Variants in KIF1A observed in about 807,000 individuals in gnomAD.
The protein encoded by KIF1A is kinesin-like protein KIF1A.
A neutral mutation model predicts 227.3 loss-of-function variants in KIF1A; 46 were observed. The observed-to-expected ratio is 0.20, with a 90% CI of 0.16 to 0.26. KIF1A has a LOEUF of 0.26. Ranked by LOEUF, KIF1A falls within the 10% of genes least tolerant of loss-of-function variation. The pLI, the probability that KIF1A is intolerant of heterozygous loss-of-function variation, is 1.00. For missense variants in KIF1A, 1,683 were observed against 2,485.9 expected (o/e 0.68, Z 6.87); for synonymous variants, 1,022 against 1,012.8 (o/e 1.01, Z -0.17).
rs151212200 is a variant in KIF1A at position 240,787,275 on chromosome 2, G to A, written c.405C>T (p.Asn135=). The A allele has an allele frequency of 2.4e-4, 381 of 1,613,380 alleles. 1 individual carries two copies. In the East Asian group the frequency reaches 5.3e-3, roughly 22 times the overall value. The part of the protein sequence containing the change: ...DLFSRINDTT[N]DNMSYSVEVS... ...CCTCCACGGAGTAGGACATGTTGTC[G>A]TTGGTCGTGTCGTTGATCCGAGAGA... The change falls in exon 5 of 49, where the codon AAC becomes AAT. Residue 135 remains asparagine, a synonymous_variant. Coordinates refer to ENST00000498729, the MANE Select transcript of KIF1A (RefSeq NM_001244008.2).
intron 27 of KIF1A, among the ~76,000 whole-genome samples, chr2:240,751,766 C>T (rs2049237522): frequency 6.6e-6 from 1 of 152,122 alleles, no homozygotes; most frequent in African/African-American, 2.4e-5. Context: ...CCAGGCCCTG[C>T]CTCCCCAGCA....
rs1200973959 is a variant in KIF1A, at chr2:240,726,786, T to G, written c.4122+40A>C. On this transcript the variant is annotated intron_variant, in intron 39 of 48. Coordinates refer to ENST00000498729, the MANE Select transcript of KIF1A (RefSeq NM_001244008.2). The surrounding 1 kb of genome is among the most constrained non-coding windows in gnomAD (Gnocchi z 5.2). ...TACAAGAACCTCAAGCTTCAGGGGC[T>G]GAGTGGTTTTGGTGGAGTGCCCTGG... The G allele has an allele frequency of 1.6e-6, 2 of 1,236,482 alleles. No homozygotes were observed. Among genetic ancestry groups the G allele is most frequent in the South Asian group, 2.5e-5 (2 of 79,156 alleles). The allele number at this position is 1,236,482 out of a possible 1,614,324, so 76.6% of individuals were successfully genotyped here.
chr2:240,717,986 T>C (rs754075395), intron 48 of KIF1A, 64 bp downstream of exon 48: 13 of 1,059,896 alleles, frequency 1.2e-5, no homozygotes, highest in Non-Finnish European at 1.8e-5. Flanking sequence ...CAAATGGTCC[T>C]GGCCAGGAGC....
In KIF1A at chr2:240,736,336, C is replaced by T. The variant is rs531267383; in HGVS notation, c.4007+727G>A. ...AGCCAGGACTGGACACTGGAGCCCC[C>T]GCCTCACTTTCCCCAAGCCCCTGGA... On this transcript the variant is annotated intron_variant, in intron 38 of 48. Coordinates refer to ENST00000498729, the MANE Select transcript of KIF1A (RefSeq NM_001244008.2). This position sits in a 1 kb window ranked among gnomAD's most constrained non-coding sequence, Gnocchi z 4.7. Among the ~76,000 whole-genome samples the T allele has an allele frequency of 1.5e-4, 23 of 152,156 alleles. 1 individual carries two copies. The highest frequency in any genetic ancestry group is 8.3e-4 in the South Asian group (4 of 4,822).
chr2:240,786,108 A>G (rs927669801), intron 6 of KIF1A, among the ~76,000 whole-genome samples: 1 of 152,174 alleles, frequency 6.6e-6, no homozygotes, highest in Admixed American at 6.5e-5. Flanking sequence ...GCAGACCCCC[A>G]TGAAGGAGAA....
intron 37 of KIF1A, among the ~76,000 whole-genome samples, chr2:240,737,744 A>G (rs985572323): frequency 1.3e-5 from 2 of 152,204 alleles, no homozygotes; most frequent in African/African-American, 4.8e-5. Flanking sequence ...CAGAGCCGTT[A>G]TCAGGCAGGA....
intron 48 of KIF1A, 103 bp from the exon 49 acceptor site, chr2:240,717,509 A>G: frequency 9.7e-7 from 1 of 1,025,646 alleles, no homozygotes; most frequent in East Asian, 2.4e-5. Flanking sequence ...GCAGCCACAG[A>G]CCCCATGTCC....
At chr2:240,804,722 G>T (rs1418683400) in intron 1 of KIF1A, among the ~76,000 whole-genome samples, 1 of 152,130 alleles carries the variant, frequency 6.6e-6, no homozygotes, top group African/African-American at 2.4e-5. Flanking sequence ...AGAATTTAAG[G>T]CCACAGGCCT....
chr2:240,755,974 G>A (rs2049798920), intron 27 of KIF1A, among the ~76,000 whole-genome samples: 1 of 152,128 alleles, frequency 6.6e-6, no homozygotes, highest in Non-Finnish European at 1.5e-5. Flanking sequence ...CTCGGAGGGA[G>A]AGTGCCACAG....
intron 33 of KIF1A, among the ~76,000 whole-genome samples, chr2:240,743,443 C>A (rs2048230625): frequency 6.6e-6 from 1 of 152,216 alleles, no homozygotes; most frequent in African/African-American, 2.4e-5. Context: ...ACACTCCTGT[C>A]CACCTTCAAG....
intron 20 of KIF1A, among the ~76,000 whole-genome samples, chr2:240,764,967 A>T (rs890205116): frequency 8.5e-5 from 13 of 152,078 alleles, no homozygotes; most frequent in African/African-American, 3.1e-4. Context: ...CTGCCCATGG[A>T]TTTCAAACTT....
Position 240,719,812 on chromosome 2 carries a change from C to T in KIF1A, c.4983G>A (p.Gln1661=). 1 of 1,608,114 alleles carries T rather than the reference C, an allele frequency of 6.2e-7. No homozygotes were observed. Among genetic ancestry groups the T allele is most frequent in the Non-Finnish European group, 8.5e-7 (1 of 1,177,474 alleles). The change falls in exon 46 of 49, where the codon CAG becomes CAA. Residue 1661 remains glutamine, a synonymous_variant. Transcript: ENST00000498729. ...CCTGGATGTCAGGGACCAGCAGGCG[C>T]TGGGGCTCCTTGTCTGTCTCTGTTG... is the stretch of plus-strand genomic sequence containing the variant. ...ARATETDKEP[Q]RLLVPDIQEI...
intron 10 of KIF1A, among the ~76,000 whole-genome samples, chr2:240,781,578 C>T (rs2054019678): frequency 6.6e-6 from 1 of 152,124 alleles, no homozygotes; most frequent in African/African-American, 2.4e-5. Flanking sequence ...CTCCCCACGC[C>T]GCCCACGCCA....
intron 41 of KIF1A, 149 bp from the exon 42 acceptor site, chr2:240,723,707 A>G: frequency 2.0e-6 from 2 of 995,006 alleles, no homozygotes; most frequent in Non-Finnish European, 2.9e-6. Flanking sequence ...GGGCCCAAAG[A>G]GCCATGTAGG....
chr2:240,721,293 A>G (rs1370866639), intron 44 of KIF1A, among the ~76,000 whole-genome samples: 1 of 152,082 alleles, frequency 6.6e-6, no homozygotes, highest in African/African-American at 2.4e-5. Context: ...TGCCTCGAGG[A>G]GTGGGCTGGG....
chr2:240,731,328 A>C (rs1335350317), intron 38 of KIF1A, among the ~76,000 whole-genome samples: 4 of 152,160 alleles, frequency 2.6e-5, no homozygotes, highest in Non-Finnish European at 5.9e-5. Context: ...GCGCAGCTGG[A>C]GACAGCTGCA....
At chr2:240,753,869 A>C (rs2049510887) in intron 27 of KIF1A, among the ~76,000 whole-genome samples, 1 of 152,148 alleles carries the variant, frequency 6.6e-6, no homozygotes, top group Non-Finnish European at 1.5e-5. Flanking sequence ...CCTGGCAGCA[A>C]GGGCCTGCAA....
At chr2:240,799,677 G>A (rs1004670207) in intron 1 of KIF1A, among the ~76,000 whole-genome samples, 6 of 152,184 alleles carry the variant, frequency 3.9e-5, no homozygotes, top group East Asian at 1.9e-4. Context: ...CGTTCCAGCC[G>A]GGATGGAGAG....
chr2:240,717,337 T>C lies in KIF1A; in HGVS notation c.*27A>G. On this transcript the variant is annotated 3_prime_UTR_variant, in exon 49 of 49. Transcript: ENST00000498729. ...GATGAGGGAGGGGATGGGCTGGGCC[T>C]GCCGGCTGTCACGGGAGGGCTCAGG... The C allele has an allele frequency of 2.5e-6, 4 of 1,606,462 alleles. No homozygotes were observed. The highest frequency in any genetic ancestry group is 3.4e-6 in the Non-Finnish European group (4 of 1,176,074).
Sources: gnomAD v4.1 joint callset for allele counts (sites outside exome capture counted in the v4.1 genomes callset) on GRCh38, gnomAD v4.1.1 for gene constraint, Gnocchi (gnomAD v3.1) non-coding constraint, MANE v1.5 for transcripts, NCBI Gene and HGNC (gene_info 2026-07-23, HGNC 2026-07-21) for gene names.